Variants in PRKCH observed in about 807,000 individuals in gnomAD.
The protein encoded by PRKCH is protein kinase C eta.
A neutral mutation model predicts 82.5 loss-of-function variants in PRKCH; 28 were observed. That is an observed-to-expected ratio of 0.34 (90% CI 0.25 to 0.47). The LOEUF is 0.47. Among genes scored for constraint, PRKCH ranks in the 20% least tolerant of loss-of-function variants. PRKCH has a pLI of 1.00. For missense variants in PRKCH, 705 were observed against 881.8 expected, an observed-to-expected ratio of 0.80 and a Z score of 2.54; for synonymous variants, 322 against 327.4, an observed-to-expected ratio of 0.98 and a Z score of 0.18.
At chr14:61,513,901 G>A (rs1299097412) in intron 10 of PRKCH, among the ~76,000 whole-genome samples, 1 of 152,084 alleles carries the variant, frequency 6.6e-6, no homozygotes, top group African/African-American at 2.4e-5. Context: ...TGAGAAATGT[G>A]GAGGGAATAT....
chr14:61,503,923 C>G (rs566469044), intron 10 of PRKCH, among the ~76,000 whole-genome samples: 49 of 152,120 alleles, frequency 3.2e-4, no homozygotes, highest in Non-Finnish European at 1.3e-4. Context: ...CAAAAACTTA[C>G]CAGAGAAGCT....
chr14:61,335,930 G>A (rs1303213155), intron 1 of PRKCH, among the ~76,000 whole-genome samples: 1 of 152,212 alleles, frequency 6.6e-6, no homozygotes, highest in Admixed American at 6.5e-5. Flanking sequence ...TTGGGTGTCA[G>A]CCAGATTGGG....
At position 61,229,279 on chromosome 14, in the gene PRKCH, G is replaced by T. The variant is rs117200843; in HGVS notation, c.-19+41611G>T. On this transcript the variant is annotated intron_variant, in intron 1 of 3. Transcript: ENST00000555185. Reference sequence around the variant, plus strand: ...AAGGCAGTGTTTAAGATTCATTGAGGGTTGGTGGGCAGGCGCTAAGTATAC... The same window carrying T: ...AAGGCAGTGTTTAAGATTCATTGAGTGTTGGTGGGCAGGCGCTAAGTATAC... Among the ~76,000 whole-genome samples, 278 of 152,270 alleles carry T rather than the reference G, an allele frequency of 1.8e-3. 1 individual carries two copies. The highest frequency in any genetic ancestry group is 3.1e-3 in the Non-Finnish European group (210 of 68,024).
intron 1 of PRKCH, among the ~76,000 whole-genome samples, chr14:61,212,242 A>G (rs537960754): frequency 3.9e-5 from 6 of 152,326 alleles, no homozygotes; most frequent in South Asian, 2.1e-4. Flanking sequence ...GGATCAAGCA[A>G]GGGCATAACT....
intron 1 of PRKCH, among the ~76,000 whole-genome samples, chr14:61,282,561 A>G (rs2140094087): frequency 6.6e-6 from 1 of 152,360 alleles, no homozygotes; most frequent in African/African-American, 2.4e-5. Context: ...TATGCTAATT[A>G]GACAAAAAAG....
chr14:61,223,908 G>A (rs1056024886), intron 1 of PRKCH, among the ~76,000 whole-genome samples: 4 of 152,128 alleles, frequency 2.6e-5, no homozygotes, highest in Admixed American at 1.3e-4. Context: ...CATTTAGTAT[G>A]CTAGCTATAT....
intron 1 of PRKCH, among the ~76,000 whole-genome samples, chr14:61,197,765 A>C (rs1594847517): frequency 1.3e-5 from 2 of 152,166 alleles, no homozygotes; most frequent in Admixed American, 6.5e-5. Flanking sequence ...AACCAACACT[A>C]TATCTCCAAG....
At chr14:61,354,302 C>A (rs1323721262) in intron 1 of PRKCH, among the ~76,000 whole-genome samples, 1 of 152,044 alleles carries the variant, frequency 6.6e-6, no homozygotes, top group African/African-American at 2.4e-5. Flanking sequence ...TGCCTTTTCC[C>A]ACTTAATTGT....
At chr14:61,275,100 A>G (rs1264394928) in intron 1 of PRKCH, among the ~76,000 whole-genome samples, 3 of 152,232 alleles carry the variant, frequency 2.0e-5, no homozygotes, top group Non-Finnish European at 2.9e-5. Flanking sequence ...AAAATTGGAA[A>G]TGTCTTTTAC....
intron 10 of PRKCH, among the ~76,000 whole-genome samples, chr14:61,521,697 G>A (rs1594782951): frequency 6.6e-6 from 1 of 151,880 alleles, no homozygotes; most frequent in South Asian, 2.1e-4. Context: ...CCTCCCAAAG[G>A]GCTGGGATTC....
intron 1 of PRKCH, among the ~76,000 whole-genome samples, chr14:61,327,761 A>G (rs2045717503): frequency 6.6e-6 from 1 of 152,226 alleles, no homozygotes; most frequent in Non-Finnish European, 1.5e-5. Flanking sequence ...TAACCCTGGG[A>G]CAATGTCTCA....
intron 1 of PRKCH, among the ~76,000 whole-genome samples, chr14:61,250,585 G>A (rs1417314248): frequency 2.0e-5 from 3 of 152,164 alleles, no homozygotes; most frequent in Non-Finnish European, 4.4e-5. Flanking sequence ...CCAAAGGTTA[G>A]GGGGAGGAGG....
At chr14:61,320,210 A>C (rs970418525), upstream of PRKCH, among the ~76,000 whole-genome samples, 2 of 152,164 alleles carry the variant, frequency 1.3e-5, no homozygotes, top group Non-Finnish European at 2.9e-5. Context: ...AAAAGAAAGA[A>C]AGGAGGGAAG....
chr14:61,420,183 G>A lies in PRKCH; in HGVS notation c.428-22928G>A, dbSNP rs542705600. 1.1e-4 allele frequency among the ~76,000 whole-genome samples: 17 copies of A among 152,236 alleles called. No individual in the cohort carries two copies. The South Asian group carries it at 2.3e-3, about 20-fold the overall frequency. On this transcript the variant is annotated intron_variant, in intron 2 of 13. Transcript: ENST00000332981. ...AAATGGGTCATGTGTGCCTCTGTAC[G>A]TGTGTGTGTGCGTGTATGTGTGTGA... is the stretch of plus-strand genomic sequence containing the variant.
At chr14:61,209,525 A>C (rs1196300810) in intron 1 of PRKCH, among the ~76,000 whole-genome samples, 1 of 152,082 alleles carries the variant, frequency 6.6e-6, no homozygotes, top group East Asian at 1.9e-4. Flanking sequence ...TGAAGCAATG[A>C]GTAGGGACAA....
intron 1 of PRKCH, among the ~76,000 whole-genome samples, chr14:61,201,349 C>T (rs1415931637): frequency 1.3e-5 from 2 of 152,072 alleles, no homozygotes; most frequent in African/African-American, 2.4e-5. Context: ...CCAAGTCACA[C>T]GGCTCTTCAG....
At chr14:61,233,651 G>A (rs1203755218) in intron 1 of PRKCH, among the ~76,000 whole-genome samples, 6 of 152,104 alleles carry the variant, frequency 3.9e-5, no homozygotes, top group Admixed American at 3.3e-4. Context: ...CATGAGGGTG[G>A]TTACCCTCAT....
At chr14:61,467,542 G>T (rs1361139113) in intron 9 of PRKCH, among the ~76,000 whole-genome samples, 1 of 152,242 alleles carries the variant, frequency 6.6e-6, no homozygotes, top group Non-Finnish European at 1.5e-5. Flanking sequence ...GCTCTGTGTT[G>T]CTGTGACACC....
intron 10 of PRKCH, among the ~76,000 whole-genome samples, chr14:61,497,802 A>C (rs1886735092): frequency 6.6e-6 from 1 of 152,158 alleles, no homozygotes; most frequent in Non-Finnish European, 1.5e-5. Flanking sequence ...GTGTAATGGC[A>C]GTTATGATCA....
Sources: allele counts gnomAD v4.1 joint callset (sites outside exome capture counted in the v4.1 genomes callset), GRCh38; gene constraint gnomAD v4.1.1; transcripts MANE v1.5; gene names NCBI Gene and HGNC (gene_info 2026-07-23, HGNC 2026-07-21).